SNX24: variants seen among roughly 807,000 people sequenced by gnomAD.
SNX24 encodes sorting nexin-24.
A neutral mutation model predicts 28.7 loss-of-function variants in SNX24; 22 were observed. The observed-to-expected ratio is 0.77, with a 90% CI of 0.55 to 1.10. The LOEUF (loss-of-function observed/expected upper bound fraction) is 1.10, where lower values mean the gene tolerates loss of function less well. SNX24 is among the 50% of genes least tolerant of loss of function. SNX24 has a pLI of 0.00. For synonymous variants in SNX24, 69 were observed against 71.5 expected (o/e 0.96, Z 0.18); for missense variants, 221 against 201.1 (o/e 1.10, Z -0.60).
chr5:122,865,988 A>G lies in SNX24; in HGVS notation c.60+20295A>G, dbSNP rs536378633. Among the ~76,000 whole-genome samples the G allele has an allele frequency of 1.6e-3, 249 of 152,352 alleles. 1 individual carries two copies. The highest frequency in any genetic ancestry group is 5.5e-3 in the African/African-American group (227 of 41,588). ...ACATAAATATTATGACATAAAGTCA[A>G]TACATCATATGCTACATGATAAGGG... is the stretch of plus-strand genomic sequence containing the variant. On this transcript the variant is annotated intron_variant, in intron 1 of 6. Transcript: ENST00000261369.
intron 1 of SNX24, among the ~76,000 whole-genome samples, chr5:122,921,714 A>T (rs1758437530): frequency 6.6e-6 from 1 of 152,204 alleles, no homozygotes; most frequent in Admixed American, 6.5e-5. Context: ...CCGGCTCTTG[A>T]GAATGGCATG....
chr5:122,846,234 A>C (rs1406259694), intron 1 of SNX24, among the ~76,000 whole-genome samples: 2 of 152,018 alleles, frequency 1.3e-5, no homozygotes, highest in Admixed American at 1.3e-4. Context: ...TGGCAAAATT[A>C]CTTGCTGAGC....
At chr5:122,854,574 G>A (rs1440617293) in intron 1 of SNX24, among the ~76,000 whole-genome samples, 1 of 150,718 alleles carries the variant, frequency 6.6e-6, no homozygotes, top group Non-Finnish European at 1.5e-5. Context: ...AAATCTTATG[G>A]CTTATCCTTC....
At chr5:122,900,654 A>G (rs1056733774) in intron 1 of SNX24, among the ~76,000 whole-genome samples, 4 of 152,138 alleles carry the variant, frequency 2.6e-5, no homozygotes, top group Admixed American at 6.5e-5. Context: ...CTATAGTCCC[A>G]GCTGCTTGGG....
chr5:122,862,365 C>A (rs1289659934), intron 1 of SNX24, among the ~76,000 whole-genome samples: 1 of 152,008 alleles, frequency 6.6e-6, no homozygotes, highest in Admixed American at 6.6e-5. Flanking sequence ...CCTGTAATCC[C>A]AGCACTTTGG....
chr5:122,978,013 G>A (rs1761239370), intron 3 of SNX24, among the ~76,000 whole-genome samples: 1 of 151,978 alleles, frequency 6.6e-6, no homozygotes, highest in Non-Finnish European at 1.5e-5. Context: ...TTGGTGGAAT[G>A]TTTCAATTTT....
intron 1 of SNX24, among the ~76,000 whole-genome samples, chr5:122,922,542 C>T (rs1758481783): frequency 6.6e-6 from 1 of 151,998 alleles, no homozygotes. Context: ...TGTGAGCCAC[C>T]TCGCCTGGCA....
chr5:123,011,089 C>A (rs1054846931), downstream of SNX24, among the ~76,000 whole-genome samples: 1 of 152,188 alleles, frequency 6.6e-6, no homozygotes, highest in African/African-American at 2.4e-5. Context: ...TAATAGTATT[C>A]CAAGTCATGC....
intron 3 of SNX24, among the ~76,000 whole-genome samples, chr5:122,962,646 A>G (rs1760533248): frequency 6.6e-6 from 1 of 152,256 alleles, no homozygotes; most frequent in South Asian, 2.1e-4. Flanking sequence ...GGCATAGGCC[A>G]GTGGAGGAGG....
Position 122,924,967 on chromosome 5 carries a change from C to T in SNX24, c.61-11767C>T, listed in dbSNP as rs147528877. 2.4e-3 allele frequency among the ~76,000 whole-genome samples: 363 copies of T among 150,246 alleles called. 6 individuals are homozygous for T. The East Asian group carries it at 0.057, about 24-fold the overall frequency. ...GCCTGGCCTTCCCTCCCCACTCTTC[C>T]CTTTCCCTTCCCTCACCCTTCTCCC... On this transcript the variant is annotated intron_variant, in intron 1 of 6. Transcript: ENST00000261369.
chr5:123,019,988 G>A (rs1762739696), intron 5 of SNX24, among the ~76,000 whole-genome samples: 1 of 152,210 alleles, frequency 6.6e-6, no homozygotes, highest in Non-Finnish European at 1.5e-5. Context: ...TACCACTGGT[G>A]CACTAGTGGG....
intron 5 of SNX24, among the ~76,000 whole-genome samples, chr5:123,020,604 A>C (rs1762748099): frequency 6.6e-6 from 1 of 152,240 alleles, no homozygotes; most frequent in South Asian, 2.1e-4. Flanking sequence ...TACACATAAA[A>C]AATTTTCAAT....
At chr5:123,014,431 C>T (rs1325954052) in intron 5 of SNX24, among the ~76,000 whole-genome samples, 1 of 144,740 alleles carries the variant, frequency 6.9e-6, no homozygotes, top group Admixed American at 7.1e-5. Context: ...ATCCTCCCAT[C>T]TCAGCCTCCC....
At chr5:123,021,280 T>C (rs1376483122) in intron 5 of SNX24, among the ~76,000 whole-genome samples, 5 of 152,136 alleles carry the variant, frequency 3.3e-5, no homozygotes, top group Non-Finnish European at 5.9e-5. Context: ...GTGACACCAT[T>C]TGTTTACAGC....
chr5:122,986,571 C>G (rs1177766449), intron 3 of SNX24, among the ~76,000 whole-genome samples: 1 of 152,084 alleles, frequency 6.6e-6, no homozygotes, highest in African/African-American at 2.4e-5. Context: ...TTTAGCAACT[C>G]AAAAGCAACC....
chr5:123,028,722 T>C, intron 5 of SNX24: 1 of 1,452,284 alleles, frequency 6.9e-7, no homozygotes, highest in Non-Finnish European at 9.6e-7. Flanking sequence ...TATACTGGCT[T>C]AACCTTAGAT....
chr5:122,953,352 G>A (rs908780201), intron 3 of SNX24, among the ~76,000 whole-genome samples: 2 of 152,066 alleles, frequency 1.3e-5, no homozygotes, highest in Admixed American at 1.3e-4. Context: ...TGATCCTCCC[G>A]TCTTGGCCTC....
At chr5:122,940,989 G>A (rs1236728773) in intron 2 of SNX24, among the ~76,000 whole-genome samples, 1 of 152,090 alleles carries the variant, frequency 6.6e-6, no homozygotes, top group East Asian at 1.9e-4. Context: ...AAAGCTAGCA[G>A]TCACTCCACT....
intron 1 of SNX24, among the ~76,000 whole-genome samples, chr5:122,875,337 G>T (rs57922562): frequency 6.6e-6 from 1 of 152,344 alleles, no homozygotes; most frequent in African/African-American, 2.4e-5. Flanking sequence ...ACAGAACTCA[G>T]ATATTAAGAT....
Sources: gnomAD v4.1 joint callset for allele counts (sites outside exome capture counted in the v4.1 genomes callset) on GRCh38, gnomAD v4.1.1 for gene constraint, MANE v1.5 for transcripts, NCBI Gene and HGNC (gene_info 2026-07-23, HGNC 2026-07-21) for gene names.